Variants in RANBP2 observed in about 807,000 individuals in gnomAD.
RANBP2 encodes E3 SUMO-protein ligase RanBP2.
In RANBP2, 57 loss-of-function variants were observed where a neutral mutation model predicts 303.6. The ratio of observed to expected loss-of-function variants is 0.19; its 90% confidence interval spans 0.15 to 0.23. The LOEUF (loss-of-function observed/expected upper bound fraction) is 0.23, where lower values mean the gene tolerates loss of function less well. Among genes scored for constraint, RANBP2 ranks in the 10% least tolerant of loss-of-function variants. RANBP2 has a pLI of 1.00. For synonymous variants in RANBP2, 1,167 were observed against 1,301.5 expected (o/e 0.90, Z 2.23); for missense variants, 3,138 against 3,780.8 (o/e 0.83, Z 4.46).
chr2:109,097,739 GTGTGT>G, the RANBP2 span, among the ~76,000 whole-genome samples: 10 of 2,234 alleles, frequency 4.5e-3, no homozygotes, highest in South Asian at 0.056. Flanking sequence ...TGCTTAGGGT[GTGTGT>G]GTGTGTGTGT....
chr2:109,123,641 A>C, the RANBP2 span, among the ~76,000 whole-genome samples: 1 of 152,168 alleles, frequency 6.6e-6, no homozygotes. Context: ...GTGACATTGG[A>C]TTGGTTACAT....
intron 25 of RANBP2, 71 bp downstream of exon 25, chr2:108,777,302 G>A: frequency 9.6e-7 from 1 of 1,042,544 alleles, no homozygotes; most frequent in Non-Finnish European, 1.4e-6. Flanking sequence ...CTAGTTTTTT[G>A]TTGCAGTATA....
chr2:109,545,104 C>G, the RANBP2 span: 1 of 985,370 alleles, frequency 1.0e-6, no homozygotes, highest in Admixed American at 6.1e-5. Context: ...GAAATAGATG[C>G]AGTGAGAGCA....
the RANBP2 span, among the ~76,000 whole-genome samples, chr2:108,907,555 G>A: frequency 6.6e-6 from 1 of 151,956 alleles, no homozygotes; most frequent in East Asian, 1.9e-4. Flanking sequence ...GGCTGAGACA[G>A]GAGAATTGCT....
chr2:108,990,154 G>T, the RANBP2 span, among the ~76,000 whole-genome samples: 1 of 152,292 alleles, frequency 6.6e-6, no homozygotes, highest in East Asian at 1.9e-4. Flanking sequence ...AAATTAGGCC[G>T]GGCGCGGTGG....
chr2:109,280,477 C>T, the RANBP2 span, among the ~76,000 whole-genome samples: 3 of 152,172 alleles, frequency 2.0e-5, no homozygotes, highest in African/African-American at 7.2e-5. Context: ...AATCCCTTCT[C>T]GTTCCCGGGT....
the RANBP2 span, chr2:109,613,556 C>T: frequency 4.0e-6 from 1 of 248,002 alleles, no homozygotes; most frequent in Non-Finnish European, 7.6e-6. Context: ...ACTCTCCCAC[C>T]GTCCCGACGC....
the RANBP2 span, among the ~76,000 whole-genome samples, chr2:109,411,222 C>T: frequency 2.6e-5 from 4 of 152,208 alleles, no homozygotes; most frequent in Admixed American, 6.5e-5. Context: ...GCTGAAAGTA[C>T]ATCCAGGCAG....
chr2:108,958,413 AAAAAAACAAAAAAC>A, the RANBP2 span, among the ~76,000 whole-genome samples: 2 of 151,602 alleles, frequency 1.3e-5, no homozygotes, highest in Non-Finnish European at 2.9e-5. Context: ...CAGCAGGAAA[AAAAAAACAAAAAAC>A]AAAAAACAAA....
At chr2:109,282,478 C>T in the RANBP2 span, among the ~76,000 whole-genome samples, 8 of 152,124 alleles carry the variant, frequency 5.3e-5, no homozygotes, top group Non-Finnish European at 8.8e-5. Context: ...TGCAGGAAGG[C>T]CCGAGGGTCA....
chr2:109,177,695 ACT>A, the RANBP2 span, among the ~76,000 whole-genome samples: 1 of 151,892 alleles, frequency 6.6e-6, no homozygotes, highest in Non-Finnish European at 1.5e-5. Context: ...TAATCTAAAA[ACT>A]CTGAATAACT....
chr2:109,455,835 C>T, the RANBP2 span, among the ~76,000 whole-genome samples: 19 of 152,210 alleles, frequency 1.2e-4, no homozygotes, highest in Non-Finnish European at 1.6e-4. Context: ...GTGACAGCTA[C>T]ACTCTGCTGG....
chr2:109,646,193 C>T, the RANBP2 span, among the ~76,000 whole-genome samples: 8 of 152,208 alleles, frequency 5.3e-5, no homozygotes, highest in African/African-American at 1.7e-4. Context: ...ATCCGTAAGG[C>T]AAGACCTACT....
chr2:108,918,556 G>A, the RANBP2 span, among the ~76,000 whole-genome samples: 1 of 152,182 alleles, frequency 6.6e-6, no homozygotes. Flanking sequence ...AGGCAAAAAT[G>A]TCCTCACAAG....
At chr2:109,585,329 A>C in the RANBP2 span, 9 of 1,588,526 alleles carry the variant, frequency 5.7e-6, no homozygotes, top group Non-Finnish European at 7.7e-6. Flanking sequence ...CCCCTGAAAC[A>C]CACAAAGGTA....
the RANBP2 span, among the ~76,000 whole-genome samples, chr2:109,071,448 C>T: frequency 2.2e-4 from 34 of 152,132 alleles, no homozygotes; most frequent in African/African-American, 7.0e-4. Context: ...CCAAGGTGGG[C>T]GGATCACTTG....
At chr2:108,908,036 G>T in the RANBP2 span, 1 of 1,603,208 alleles carries the variant, frequency 6.2e-7, no homozygotes, top group Middle Eastern at 1.7e-4. Context: ...AAACAAGAGC[G>T]ATGGTCATTA....
chr2:109,722,103 T>C, the RANBP2 span, among the ~76,000 whole-genome samples: 1 of 152,308 alleles, frequency 6.6e-6, no homozygotes, highest in African/African-American at 2.4e-5. Flanking sequence ...TAAGAGGCCA[T>C]CCAGGTTAAA....
the RANBP2 span, among the ~76,000 whole-genome samples, chr2:109,005,254 A>C: frequency 6.6e-6 from 1 of 152,226 alleles, no homozygotes. Flanking sequence ...ACCTTCCTCC[A>C]GACTAATCTT....
Sources: gnomAD v4.1 joint callset for allele counts (sites outside exome capture counted in the v4.1 genomes callset) on GRCh38, gnomAD v4.1.1 for gene constraint, MANE v1.5 for transcripts, NCBI Gene and HGNC (gene_info 2026-07-23, HGNC 2026-07-21) for gene names.